IPCEF1: variants seen among roughly 807,000 people sequenced by gnomAD.
The protein encoded by IPCEF1 is interactor protein for cytohesin exchange factors 1.
In IPCEF1, 31 loss-of-function variants were observed where a neutral mutation model predicts 50.9. The ratio of observed to expected loss-of-function variants is 0.61; its 90% confidence interval spans 0.46 to 0.82. IPCEF1 has a LOEUF of 0.82. IPCEF1 is among the 40% of genes least tolerant of loss of function. The pLI, the probability that IPCEF1 is intolerant of heterozygous loss-of-function variation, is 0.00. For missense variants in IPCEF1, 458 were observed against 514.0 expected, an observed-to-expected ratio of 0.89 and a Z score of 1.05; for synonymous variants, 181 against 192.0, an observed-to-expected ratio of 0.94 and a Z score of 0.47.
At chr6:154,248,585 C>A (rs1314849515) in intron 3 of IPCEF1, among the ~76,000 whole-genome samples, 1 of 152,026 alleles carries the variant, frequency 6.6e-6, no homozygotes, top group African/African-American at 2.4e-5. Flanking sequence ...GATCTGATAG[C>A]TATTGTATAT....
chr6:154,257,667 TTTTTG>T (rs1416996498), intron 3 of IPCEF1, among the ~76,000 whole-genome samples: 1 of 151,948 alleles, frequency 6.6e-6, no homozygotes, highest in African/African-American at 2.4e-5. Context: ...ACTTTTTGCT[TTTTTG>T]TTTTGTTTTG....
intron 10 of IPCEF1, among the ~76,000 whole-genome samples, chr6:154,193,529 C>A (rs1022279354): frequency 6.6e-6 from 1 of 152,084 alleles, no homozygotes; most frequent in Non-Finnish European, 1.5e-5. Flanking sequence ...AATAAAAATA[C>A]GCATCTATCT....
chr6:154,323,036 G>A (rs773173869), intron 1 of IPCEF1, among the ~76,000 whole-genome samples: 15 of 151,970 alleles, frequency 9.9e-5, no homozygotes, highest in Admixed American at 2.6e-4. Flanking sequence ...AATCTTTTTC[G>A]ATGTGACAAG....
At chr6:154,255,314 T>C (rs2128648071) in intron 3 of IPCEF1, among the ~76,000 whole-genome samples, 1 of 152,310 alleles carries the variant, frequency 6.6e-6, no homozygotes, top group East Asian at 1.9e-4. Context: ...TGAATGATAA[T>C]TGAGGTGGGT....
rs1799581673 is a variant in IPCEF1 at position 154,168,142 on chromosome 6, A to G, written c.911-29T>C. On this transcript the variant is annotated intron_variant, in intron 10 of 11. Transcript: ENST00000367220. The surrounding 1 kb of genome is among the most constrained non-coding windows in gnomAD (Gnocchi z 4.1). ...TTTGAAAAAAAAAAAGAAAGCAGTA[A>G]CAATAAACCCAGTGAAAAATCAAGG... 1 of 1,493,634 alleles carries G rather than the reference A, an allele frequency of 6.7e-7. No homozygotes were observed. 92.5% of individuals were successfully genotyped at this position (1,493,634 alleles called of 1,614,324 possible).
At chr6:154,172,267 G>A (rs1383833692) in intron 10 of IPCEF1, among the ~76,000 whole-genome samples, 5 of 152,168 alleles carry the variant, frequency 3.3e-5, no homozygotes, top group Admixed American at 3.3e-4. Flanking sequence ...GAAGTACCTG[G>A]TTCATCTCAT....
intron 1 of IPCEF1, among the ~76,000 whole-genome samples, chr6:154,301,574 G>C (rs551096482): frequency 5.9e-5 from 9 of 152,210 alleles, no homozygotes; most frequent in African/African-American, 2.2e-4. Context: ...CGTGTCAAAG[G>C]CTCAGTTACA....
chr6:154,318,456 C>T (rs1181967052), intron 1 of IPCEF1, among the ~76,000 whole-genome samples: 1 of 151,980 alleles, frequency 6.6e-6, no homozygotes, highest in African/African-American at 2.4e-5. Context: ...CCACTCTTGC[C>T]CTTCAGAAGG....
Position 154,329,538 on chromosome 6 carries a change from C to T in IPCEF1, c.-62+27134G>A, listed in dbSNP as rs894160658. The stretch of plus-strand genomic sequence containing the variant: ...CTTGAGCCCAGGAGGCTGCAGTGAG[C>T]CATGACCGCGCCACTGCCCTCCAGC... On this transcript the variant is annotated intron_variant, in intron 1 of 11. Coordinates refer to ENST00000367220, the MANE Select transcript of IPCEF1 (RefSeq NM_001130700.2). 2.0e-5 allele frequency among the ~76,000 whole-genome samples: 3 copies of T among 151,610 alleles called. No homozygotes were observed. In the East Asian group the frequency reaches 5.8e-4, roughly 29 times the overall value.
chr6:154,348,170 T>A (rs1784067001), intron 1 of IPCEF1, among the ~76,000 whole-genome samples: 2 of 152,138 alleles, frequency 1.3e-5, no homozygotes, highest in Non-Finnish European at 2.9e-5. Flanking sequence ...TGTTTGTGAG[T>A]GTTCACAAAA....
At chr6:154,212,990 TG>T (rs1431283937) in intron 8 of IPCEF1, 135 bp from the exon 9 acceptor site, 9 of 668,454 alleles carry the variant, frequency 1.3e-5, no homozygotes, top group East Asian at 2.7e-5. Context: ...ATGAACTACC[TG>T]GTAACTACCT....
intron 1 of IPCEF1, among the ~76,000 whole-genome samples, chr6:154,344,080 C>T (rs1369518055): frequency 6.6e-6 from 1 of 151,854 alleles, no homozygotes; most frequent in African/African-American, 2.4e-5. Flanking sequence ...GACACCTCCT[C>T]CTCTAGCCTC....
intron 3 of IPCEF1, among the ~76,000 whole-genome samples, chr6:154,257,777 G>T (rs1008826145): frequency 4.6e-5 from 7 of 152,140 alleles, no homozygotes; most frequent in African/African-American, 1.7e-4. Flanking sequence ...ATGGTTCGCT[G>T]CAATCTCAAC....
At position 154,347,883 on chromosome 6, in the gene IPCEF1, G is replaced by A. The variant is rs143151072; in HGVS notation, c.-62+8789C>T. Among the ~76,000 whole-genome samples, 96 of 152,302 alleles carry A rather than the reference G, an allele frequency of 6.3e-4. 1 individual carries two copies. The highest frequency in any genetic ancestry group is 2.2e-3 in the African/African-American group (93 of 41,566). On this transcript the variant is annotated intron_variant, in intron 1 of 11. Coordinates refer to ENST00000367220, the MANE Select transcript of IPCEF1 (RefSeq NM_001130700.2). Reference sequence around the variant, plus strand: ...GTCCATTGAGATTGACAGAGGGATCGCTTGCTAACTTGCTCCCAATGCACA... The same window carrying A: ...GTCCATTGAGATTGACAGAGGGATCACTTGCTAACTTGCTCCCAATGCACA...
chr6:154,193,294 A>G (rs965755877), intron 10 of IPCEF1, among the ~76,000 whole-genome samples: 1 of 152,198 alleles, frequency 6.6e-6, no homozygotes, highest in Non-Finnish European at 1.5e-5. Flanking sequence ...GTATGTTCTC[A>G]CTCATAAGTG....
At chr6:154,260,070 G>A (rs1781558333) in intron 3 of IPCEF1, among the ~76,000 whole-genome samples, 1 of 152,208 alleles carries the variant, frequency 6.6e-6, no homozygotes, top group Non-Finnish European at 1.5e-5. Flanking sequence ...TGTCTGGGCT[G>A]TTGACTACAC....
chr6:154,284,766 C>T (rs1782316639), intron 2 of IPCEF1, among the ~76,000 whole-genome samples: 1 of 152,124 alleles, frequency 6.6e-6, no homozygotes, highest in South Asian at 2.1e-4. Context: ...CTTTGGGAGG[C>T]CGAGGCGGGT....
chr6:154,286,358 A>C (rs1782359435), intron 2 of IPCEF1, among the ~76,000 whole-genome samples: 1 of 152,200 alleles, frequency 6.6e-6, no homozygotes, highest in South Asian at 2.1e-4. Flanking sequence ...ACTTAAAGTA[A>C]AATAAAAACT....
intron 5 of IPCEF1, among the ~76,000 whole-genome samples, 191 bp from the exon 6 acceptor site, chr6:154,223,434 A>C (rs1779018211): frequency 6.6e-6 from 1 of 152,168 alleles, no homozygotes; most frequent in African/African-American, 2.4e-5. Flanking sequence ...TCTCCTGATA[A>C]GTCACCCAGA....
Sources: gnomAD v4.1 joint callset for allele counts (sites outside exome capture counted in the v4.1 genomes callset) on GRCh38, gnomAD v4.1.1 for gene constraint, Gnocchi (gnomAD v3.1) non-coding constraint, MANE v1.5 for transcripts, NCBI Gene and HGNC (gene_info 2026-07-23, HGNC 2026-07-21) for gene names.